Variants in TBC1D1 observed in about 807,000 individuals in gnomAD.
TBC1D1 encodes the protein TBC1 domain family member 1, also known as TBC1 (tre-2/USP6, BUB2, cdc16) domain family, member 1.
In TBC1D1, 89 loss-of-function variants were observed where a neutral mutation model predicts 125.6. The observed-to-expected ratio is 0.71, with a 90% CI of 0.60 to 0.85. The LOEUF is 0.85. TBC1D1 is among the 40% of genes least tolerant of loss of function. The probability of loss-of-function intolerance (pLI) is 0.00; values close to 1 mark genes in which losing one functional copy is unlikely to be tolerated. For synonymous variants in TBC1D1, 565 were observed against 564.1 expected (o/e 1.00, Z -0.02); for missense variants, 1,377 against 1,469.2 (o/e 0.94, Z 1.03).
chr4:37,993,917 C>T (rs1312022293), intron 2 of TBC1D1, among the ~76,000 whole-genome samples: 1 of 152,256 alleles, frequency 6.6e-6, no homozygotes, highest in Non-Finnish European at 1.5e-5. Context: ...AGCATCAGCT[C>T]TTGGCTGGCG....
intron 2 of TBC1D1, chr4:37,960,451 A>G: frequency 1.2e-6 from 2 of 1,613,690 alleles, no homozygotes; most frequent in African/African-American, 1.3e-5. Context: ...ACTCTGATCT[A>G]CGTTGATAAG....
At chr4:38,135,859 T>C (rs1766432347) in intron 19 of TBC1D1, among the ~76,000 whole-genome samples, 1 of 60,124 alleles carries the variant, frequency 1.7e-5, no homozygotes, top group African/African-American at 4.9e-5. Context: ...TATATATGTG[T>C]GTGTGTATAT....
At chr4:38,018,996 T>C (rs144790614) in intron 4 of TBC1D1, among the ~76,000 whole-genome samples, 3,703 of 152,218 alleles carry the variant, frequency 0.024, 66 homozygotes, top group South Asian at 0.073. Flanking sequence ...TATTCTCCCT[T>C]CAAATATAGA....
At position 37,929,079 on chromosome 4, in the gene TBC1D1, G is replaced by A. The variant is rs1174056821; in HGVS notation, c.417+26567G>A. 3.9e-5 allele frequency among the ~76,000 whole-genome samples: 6 copies of A among 152,278 alleles called. No individual in the cohort carries two copies. In the South Asian group the frequency reaches 8.3e-4, roughly 21 times the overall value. ...ATGTGTCATGATGAAATTGCAAGAC[G>A]GTTCAATGCCAAACTGCATTTAGTA... On this transcript the variant is annotated intron_variant, in intron 2 of 19. Coordinates refer to ENST00000261439, the MANE Select transcript of TBC1D1 (RefSeq NM_015173.4).
chr4:38,084,989 T>C (rs1259170367), intron 12 of TBC1D1, among the ~76,000 whole-genome samples: 1 of 152,182 alleles, frequency 6.6e-6, no homozygotes, highest in Non-Finnish European at 1.5e-5. Context: ...ATTCTGCACT[T>C]GAGAGAGCCA....
intron 2 of TBC1D1, among the ~76,000 whole-genome samples, chr4:37,935,898 C>T (rs1214024702): frequency 3.3e-5 from 5 of 152,202 alleles, no homozygotes; most frequent in African/African-American, 1.2e-4. Flanking sequence ...TAGAATATGA[C>T]AGCGCTATTC....
chr4:37,969,581 G>A (rs1257020111), intron 2 of TBC1D1, among the ~76,000 whole-genome samples: 2 of 152,090 alleles, frequency 1.3e-5, no homozygotes, highest in Non-Finnish European at 2.9e-5. Flanking sequence ...CTTGACCTCG[G>A]GTGATCCACT....
rs1383416248 is a variant in TBC1D1, at chr4:38,027,893, G to A, written c.1302+14G>A. On this transcript the variant is annotated intron_variant, in intron 7 of 19. Coordinates refer to ENST00000261439, the MANE Select transcript of TBC1D1 (RefSeq NM_015173.4). ...GAAGAGGTTCAGGTACAGTACAGTT[G>A]CTAATTTCTAGAAGGAAAGAAAAGG... is the stretch of plus-strand genomic sequence containing the variant. The A allele has an allele frequency of 1.1e-5, 17 of 1,551,260 alleles. No homozygotes were observed. The highest frequency in any genetic ancestry group is 1.3e-5 in the Non-Finnish European group (15 of 1,145,166).
chr4:37,944,183 C>T (rs1230523279), intron 2 of TBC1D1, among the ~76,000 whole-genome samples: 3 of 152,154 alleles, frequency 2.0e-5, no homozygotes, highest in African/African-American at 2.4e-5. Flanking sequence ...GCTGCCTGAT[C>T]GTTCCTCTGG....
At chr4:37,933,447 C>T (rs1408346843) in intron 2 of TBC1D1, among the ~76,000 whole-genome samples, 5 of 151,338 alleles carry the variant, frequency 3.3e-5, no homozygotes, top group African/African-American at 1.2e-4. Context: ...CACACACACA[C>T]ACACACACAC....
chr4:38,060,840 C>CT (rs1220763614), intron 12 of TBC1D1, among the ~76,000 whole-genome samples: 2 of 152,220 alleles, frequency 1.3e-5, no homozygotes, highest in African/African-American at 4.8e-5. Context: ...TTCTGAAGTT[C>CT]TAACAAGCTC....
At chr4:37,952,377 C>G in intron 2 of TBC1D1, 1 of 380,338 alleles carries the variant, frequency 2.6e-6, no homozygotes, top group Non-Finnish European at 5.0e-6. Flanking sequence ...CTCAGTCAAT[C>G]CAAGTGTCCA....
At chr4:37,988,175 G>A (rs950305516) in intron 2 of TBC1D1, among the ~76,000 whole-genome samples, 3 of 152,244 alleles carry the variant, frequency 2.0e-5, no homozygotes, top group African/African-American at 7.2e-5. Flanking sequence ...GGTGTAGCAC[G>A]TGTTTCCAAT....
chr4:38,084,752 A>T (rs1289773785), intron 12 of TBC1D1, among the ~76,000 whole-genome samples: 3 of 151,376 alleles, frequency 2.0e-5, no homozygotes, highest in Non-Finnish European at 4.4e-5. Flanking sequence ...TGGAGTTCAG[A>T]ATTTTCAAGA....
At chr4:38,082,590 C>G (rs186471831) in intron 12 of TBC1D1, among the ~76,000 whole-genome samples, 1 of 152,326 alleles carries the variant, frequency 6.6e-6, no homozygotes, top group African/African-American at 2.4e-5. Context: ...CCACTTCTTT[C>G]CAAGCATAAT....
At chr4:37,898,993 C>T (rs1272994640) in intron 1 of TBC1D1, among the ~76,000 whole-genome samples, 1 of 152,098 alleles carries the variant, frequency 6.6e-6, no homozygotes, top group Non-Finnish European at 1.5e-5. Context: ...CCTGAGAGAC[C>T]TTATATGCCA....
rs543797735 is a variant in TBC1D1 at position 37,919,590 on chromosome 4, A to G, written c.417+17078A>G. Among the ~76,000 whole-genome samples the G allele has an allele frequency of 2.0e-5, 3 of 152,316 alleles. No individual in the cohort carries two copies. The South Asian group carries it at 6.2e-4, about 32-fold the overall frequency. ...CATATGTGATCACTGGTTAAAAAAAAGAGAAATACATATTTCTCAAAATAA... is the reference window on the plus strand; with the variant it reads ...CATATGTGATCACTGGTTAAAAAAAGGAGAAATACATATTTCTCAAAATAA... On this transcript the variant is annotated intron_variant, in intron 2 of 19. Transcript: ENST00000261439.
chr4:37,984,261 C>T (rs536313957), intron 2 of TBC1D1, among the ~76,000 whole-genome samples: 3 of 152,236 alleles, frequency 2.0e-5, no homozygotes, highest in Admixed American at 6.5e-5. Flanking sequence ...GAGTTTTCAG[C>T]TCCTTTGAGT....
chr4:37,927,698 G>A (rs1369457379), intron 2 of TBC1D1, among the ~76,000 whole-genome samples: 1 of 152,220 alleles, frequency 6.6e-6, no homozygotes. Context: ...AGTGGCTTAA[G>A]TACAAATCCT....
Sources: allele counts gnomAD v4.1 joint callset (sites outside exome capture counted in the v4.1 genomes callset), GRCh38; gene constraint gnomAD v4.1.1; transcripts MANE v1.5; gene names NCBI Gene and HGNC (gene_info 2026-07-23, HGNC 2026-07-21).